The following LYST variants were observed in gnomAD, a reference collection of about 807,000 sequenced individuals.
LYST encodes lysosomal trafficking regulator.
Under a neutral mutation model 413.6 loss-of-function variants are expected in LYST, and 192 were observed. The observed-to-expected ratio is 0.46, with a 90% CI of 0.41 to 0.52. The LOEUF is 0.52. Ranked by LOEUF, LYST falls within the 20% of genes least tolerant of loss-of-function variation. The pLI is 0.00. For synonymous variants in LYST, 1,525 were observed against 1,567.3 expected (o/e 0.97, Z 0.64); for missense variants, 3,815 against 4,499.9 (o/e 0.85, Z 4.35).
intron 47 of LYST, among the ~76,000 whole-genome samples, chr1:235,688,983 C>T: frequency 9.2e-6 from 1 of 109,256 alleles, no homozygotes; most frequent in East Asian, 2.3e-4. Flanking sequence ...GACTCCGTCT[C>T]AAATAATAAT....
At chr1:235,791,601 T>TA in intron 12 of LYST, 98 bp downstream of exon 12, 3 of 973,648 alleles carry the variant, frequency 3.1e-6, no homozygotes, top group Non-Finnish European at 4.9e-6. Flanking sequence ...AAGAACATGT[T>TA]AAGAGTGTTA....
intron 1 of LYST, among the ~76,000 whole-genome samples, chr1:235,881,526 G>A (rs1449950807): frequency 3.9e-5 from 6 of 152,168 alleles, no homozygotes; most frequent in Admixed American, 2.0e-4. Context: ...GTACACCCAT[G>A]TTCATAGCAG....
rs769495026 is a variant in LYST, at chr1:235,810,559, T to TA, written c.284-26dup. The TA allele has an allele frequency of 1.7e-5, 27 of 1,595,854 alleles. No homozygotes were observed. In the African/African-American group the frequency reaches 3.3e-4, roughly 20 times the overall value. The stretch of plus-strand genomic sequence containing the variant: ...TCTAATGGAATGAAAAAAGAAGGCT[T>TA]AGAATACCTCAATATGTTTTAAAAC... On this transcript the variant is annotated intron_variant, in intron 4 of 52. Coordinates refer to ENST00000389793, the MANE Select transcript of LYST (RefSeq NM_000081.4).
chr1:235,826,692 G>GT (rs1225190253), intron 3 of LYST, among the ~76,000 whole-genome samples: 2 of 152,048 alleles, frequency 1.3e-5, no homozygotes, highest in African/African-American at 2.4e-5. Flanking sequence ...ATTTTGTTTT[G>GT]TTTTTTAAGA....
chr1:235,757,651 TAG>T (rs906748105), intron 23 of LYST, among the ~76,000 whole-genome samples, 193 bp from the exon 24 acceptor site: 3 of 152,214 alleles, frequency 2.0e-5, no homozygotes, highest in African/African-American at 7.2e-5. Flanking sequence ...TTTGGGCATA[TAG>T]TCTACTAACA....
intron 22 of LYST, among the ~76,000 whole-genome samples, chr1:235,760,069 GA>G (rs771432389): frequency 3.9e-5 from 6 of 152,128 alleles, no homozygotes; most frequent in Non-Finnish European, 7.3e-5. Flanking sequence ...CTACTGTGCT[GA>G]ATTTAAGTGA....
At chr1:235,709,435 G>C (rs1242152083) in intron 43 of LYST, 127 bp from the exon 44 acceptor site, 2 of 720,502 alleles carry the variant, frequency 2.8e-6, no homozygotes, top group African/African-American at 2.4e-5. Context: ...GAATAGCAAG[G>C]AGGATTTACA....
At chr1:235,826,872 G>A (rs1156850649) in intron 3 of LYST, among the ~76,000 whole-genome samples, 1 of 151,800 alleles carries the variant, frequency 6.6e-6, no homozygotes, top group Non-Finnish European at 1.5e-5. Context: ...TTGTAGAGAT[G>A]GGGTTTTGCC....
At chr1:235,858,229 C>A (rs549731453) in intron 1 of LYST, among the ~76,000 whole-genome samples, 2 of 152,312 alleles carry the variant, frequency 1.3e-5, no homozygotes, top group South Asian at 4.1e-4. Context: ...TCAGGTACTT[C>A]GTAGCTGTGA....
At position 235,805,887 on chromosome 1, in the gene LYST, G is replaced by A. The variant is rs193054100; in HGVS notation, c.3249C>T (p.Ala1083=). The A allele has an allele frequency of 2.1e-5, 34 of 1,613,680 alleles. No homozygotes were observed. Among genetic ancestry groups the A allele is most frequent in the South Asian group, 1.6e-4 (15 of 91,076 alleles). The change falls in exon 6 of 53, where the codon GCC becomes GCT. Residue 1083 remains alanine (A), a synonymous_variant. Coordinates refer to ENST00000389793, the MANE Select transcript of LYST (RefSeq NM_000081.4). ...TAAATAGCTTTGCTTCCTCGGGAGC[G>A]GCTTCAGTAGCTGAAACTTCTTCCA... ...INVEEVSATE[A]APEEAKLFTS... is the part of the protein sequence containing the mutation.
At position 235,792,092 on chromosome 1, in the gene LYST, C is replaced by T. The variant is rs1268722839; in HGVS notation, c.4150G>A (p.Glu1384Lys). ...GAAGGGCTCATAGTAGTATCACTTT[C>T]AATAATTTTCAGAATACCCAGAAGA... The part of the protein sequence containing the change: ...ILLLGILKII[E>K]SDTTMSPSQY... The change falls in exon 12 of 53, where the codon GAA becomes AAA. Residue 1384 changes from glutamate (E) to lysine (K), a missense_variant. Physicochemically the swap from Glu to Lys is moderately conservative, Grantham distance 56. This residue lies in a region of LYST where 1,648 missense variants were observed against 1,810.3 expected (regional missense o/e 0.91). Transcript: ENST00000389793. 6.2e-7 allele frequency: 1 copy of T among 1,612,302 alleles called. No individual in the cohort carries two copies. The highest frequency in any genetic ancestry group is 8.5e-7 in the Non-Finnish European group (1 of 1,178,822).
At chr1:235,875,859 C>A (rs1681110874) in intron 1 of LYST, among the ~76,000 whole-genome samples, 1 of 152,024 alleles carries the variant, frequency 6.6e-6, no homozygotes, top group Non-Finnish European at 1.5e-5. Context: ...CAAAAACAAA[C>A]AAACTGCATT....
chr1:235,663,060 A>G lies in LYST; in HGVS notation c.11286T>C (p.Asp3762=), dbSNP rs1429158163. The change falls in exon 53 of 53, where the codon GAT becomes GAC. Residue 3762 remains aspartate, a synonymous_variant. Coordinates refer to ENST00000389793, the MANE Select transcript of LYST (RefSeq NM_000081.4). ...KPIISLTFSC[D]GHHLYTANSD... is the part of the protein sequence containing the mutation. ...TGTTTGCTGTGTACAAATGGTGGCC[A>G]TCACAAGAAAATGTAAGGCTGTAAA... is the stretch of plus-strand genomic sequence containing the variant. The G allele has an allele frequency of 1.9e-6, 3 of 1,610,266 alleles. No individual in the cohort carries two copies. The highest frequency in any genetic ancestry group is 2.5e-6 in the Non-Finnish European group (3 of 1,178,880).
chr1:235,737,919 C>A, intron 31 of LYST: 31 of 1,160,696 alleles, frequency 2.7e-5, no homozygotes, highest in Admixed American at 2.2e-4. Flanking sequence ...GCCGACGAGT[C>A]TGGATCTCAC....
chr1:235,746,087 G>A (rs1339752385), intron 29 of LYST, among the ~76,000 whole-genome samples: 2 of 152,130 alleles, frequency 1.3e-5, no homozygotes, highest in Non-Finnish European at 2.9e-5. Context: ...AATCTACAAC[G>A]ATCTCAAAAG....
intron 1 of LYST, among the ~76,000 whole-genome samples, chr1:235,856,715 A>G (rs933303471): frequency 6.6e-6 from 1 of 152,214 alleles, no homozygotes; most frequent in African/African-American, 2.4e-5. Context: ...AAATGTTTAA[A>G]TAAGGCTAAT....
chr1:235,855,460 TA>T (rs1435528467), intron 1 of LYST, among the ~76,000 whole-genome samples: 5 of 152,122 alleles, frequency 3.3e-5, no homozygotes, highest in African/African-American at 1.2e-4. Context: ...TTTTTCATAT[TA>T]AAACCAAAAA....
At chr1:235,691,070 C>A (rs1037517618) in intron 47 of LYST, among the ~76,000 whole-genome samples, 2 of 152,082 alleles carry the variant, frequency 1.3e-5, no homozygotes, top group African/African-American at 4.8e-5. Flanking sequence ...GCGCCCGCCA[C>A]CACGCCCAGC....
chr1:235,807,814 C>CAT (rs1673035825), intron 5 of LYST, among the ~76,000 whole-genome samples: 1 of 152,014 alleles, frequency 6.6e-6, no homozygotes, highest in Admixed American at 6.6e-5. Flanking sequence ...AATTTTTCTA[C>CAT]ATATATTGCA....
Sources: gnomAD v4.1 joint callset for allele counts (sites outside exome capture counted in the v4.1 genomes callset) on GRCh38, gnomAD v4.1.1 for gene constraint, gnomAD v4.1.1 regional missense constraint, MANE v1.5 for transcripts, NCBI Gene and HGNC (gene_info 2026-07-23, HGNC 2026-07-21) for gene names.